Variants in PPP2R2B observed in about 807,000 individuals in gnomAD.
The protein encoded by PPP2R2B is serine/threonine-protein phosphatase 2A 55 kDa regulatory subunit B beta isoform.
A neutral mutation model predicts 46.0 loss-of-function variants in PPP2R2B; 5 were observed. That is an observed-to-expected ratio of 0.11 (90% CI 0.06 to 0.23). The LOEUF is 0.23. Among genes scored for constraint, PPP2R2B ranks in the 10% least tolerant of loss-of-function variants. PPP2R2B has a pLI of 1.00. For synonymous variants in PPP2R2B, 215 were observed against 206.7 expected, an observed-to-expected ratio of 1.04 and a Z score of -0.34; for missense variants, 367 against 575.0, an observed-to-expected ratio of 0.64 and a Z score of 3.70.
At chr5:146,894,380 G>C (rs319179) in intron 1 of PPP2R2B, among the ~76,000 whole-genome samples, 77,075 of 152,064 alleles carry the variant, frequency 0.51, 22,009 homozygotes, top group African/African-American at 0.76. Flanking sequence ...ACACAGGAAG[G>C]CTTGCAGAGC....
intron 3 of PPP2R2B, 78 bp downstream of exon 3, chr5:146,700,967 A>G: frequency 1.5e-6 from 2 of 1,290,404 alleles, no homozygotes; most frequent in Non-Finnish European, 1.1e-6. Flanking sequence ...TAAGGGCGAC[A>G]CATAAGGATT....
intron 1 of PPP2R2B, among the ~76,000 whole-genome samples, chr5:147,002,089 C>T (rs1754205125): frequency 6.6e-6 from 1 of 152,184 alleles, no homozygotes; most frequent in Non-Finnish European, 1.5e-5. Context: ...TGCCTCTCTT[C>T]TCCGAGGCTA....
chr5:146,703,894 G>C (rs2151170882), intron 2 of PPP2R2B, among the ~76,000 whole-genome samples: 1 of 152,298 alleles, frequency 6.6e-6, no homozygotes, highest in Admixed American at 6.5e-5. Context: ...AGGGTGATTT[G>C]CATGGCAGGA....
intron 5 of PPP2R2B, among the ~76,000 whole-genome samples, chr5:146,683,181 A>G (rs1778285008): frequency 1.3e-5 from 2 of 152,114 alleles, no homozygotes; most frequent in South Asian, 4.2e-4. Context: ...TACCCTTCCT[A>G]CCCCGCCTTT....
At chr5:146,706,704 G>A in intron 2 of PPP2R2B, 2 of 867,692 alleles carry the variant, frequency 2.3e-6, no homozygotes, top group Non-Finnish European at 3.9e-6. Context: ...GTTCATCTCA[G>A]AGATCTCAGT....
chr5:146,922,638 A>C (rs1009907270), intron 1 of PPP2R2B: 3 of 152,164 alleles, frequency 2.0e-5, no homozygotes, highest in African/African-American at 7.2e-5. Context: ...CTCTCAGCAC[A>C]TAGCATTCTC....
chr5:146,714,412 A>G (rs1157337044), intron 2 of PPP2R2B, among the ~76,000 whole-genome samples: 3 of 152,120 alleles, frequency 2.0e-5, no homozygotes, highest in Non-Finnish European at 4.4e-5. Context: ...AATGAGGTGA[A>G]AGATGGTAAG....
chr5:147,055,267 A>G (rs1291030583), intron 1 of PPP2R2B, among the ~76,000 whole-genome samples: 1 of 152,232 alleles, frequency 6.6e-6, no homozygotes, highest in Non-Finnish European at 1.5e-5. Flanking sequence ...GGCATGCACC[A>G]AGTTATCAAA....
intron 1 of PPP2R2B, among the ~76,000 whole-genome samples, chr5:146,962,156 C>A (rs747065665): frequency 6.8e-6 from 1 of 147,206 alleles, no homozygotes; most frequent in Non-Finnish European, 1.5e-5. Flanking sequence ...TCTTTCCACA[C>A]GTGTACTCTG....
intron 1 of PPP2R2B, among the ~76,000 whole-genome samples, chr5:146,972,505 A>T (rs1752704393): frequency 6.6e-6 from 1 of 152,134 alleles, no homozygotes; most frequent in Non-Finnish European, 1.5e-5. Flanking sequence ...TGAGGTCAGG[A>T]GTTCGAGACC....
chr5:146,787,432 G>A (rs1398172751), intron 2 of PPP2R2B, among the ~76,000 whole-genome samples: 9 of 152,106 alleles, frequency 5.9e-5, no homozygotes, highest in African/African-American at 2.2e-4. Flanking sequence ...TATTTTAACT[G>A]GCTGAACAAA....
intron 2 of PPP2R2B, among the ~76,000 whole-genome samples, chr5:146,803,895 C>T (rs993515033): frequency 1.3e-5 from 2 of 152,116 alleles, no homozygotes. Flanking sequence ...TGGTTGGGCA[C>T]GGTGGCTCAT....
chr5:146,666,939 A>G (rs1211150186), intron 5 of PPP2R2B, among the ~76,000 whole-genome samples: 1 of 152,174 alleles, frequency 6.6e-6, no homozygotes, highest in Admixed American at 6.5e-5. Context: ...ACTGTTTTGA[A>G]CTTGAATGTG....
At chr5:146,866,460 A>C (rs541266432) in intron 2 of PPP2R2B, among the ~76,000 whole-genome samples, 1 of 152,226 alleles carries the variant, frequency 6.6e-6, no homozygotes, top group African/African-American at 2.4e-5. Context: ...TTTCTCTTTC[A>C]CTCCATAAGT....
intron 1 of PPP2R2B, among the ~76,000 whole-genome samples, chr5:146,945,245 T>C (rs1186393403): frequency 6.6e-6 from 1 of 152,194 alleles, no homozygotes; most frequent in Non-Finnish European, 1.5e-5. Context: ...GACTTGGATA[T>C]GTTCTTCAGG....
chr5:146,663,474 G>A (rs77612153), intron 5 of PPP2R2B, among the ~76,000 whole-genome samples: 1,363 of 76,416 alleles, frequency 0.018, 20 homozygotes, highest in African/African-American at 0.043. Flanking sequence ...AAAAACATCC[G>A]TAAATAACAA....
At chr5:146,759,984 G>A (rs1280665462) in intron 2 of PPP2R2B, among the ~76,000 whole-genome samples, 1 of 152,146 alleles carries the variant, frequency 6.6e-6, no homozygotes, top group Non-Finnish European at 1.5e-5. Flanking sequence ...TCTGAAGACA[G>A]TGAGAGCATC....
chr5:146,941,243 G>T (rs1254105621), intron 1 of PPP2R2B, among the ~76,000 whole-genome samples: 3 of 152,160 alleles, frequency 2.0e-5, no homozygotes, highest in African/African-American at 7.2e-5. Flanking sequence ...CCATATGTCT[G>T]TTCACAATGC....
chr5:147,041,214 C>T (rs1189041174), intron 1 of PPP2R2B, among the ~76,000 whole-genome samples: 1 of 152,148 alleles, frequency 6.6e-6, no homozygotes, highest in Non-Finnish European at 1.5e-5. Context: ...GCTTCCATGT[C>T]ACTTCCAACT....
Sources: gnomAD v4.1 joint callset for allele counts (sites outside exome capture counted in the v4.1 genomes callset) on GRCh38, gnomAD v4.1.1 for gene constraint, MANE v1.5 for transcripts, NCBI Gene and HGNC (gene_info 2026-07-23, HGNC 2026-07-21) for gene names.